The following DNAAF9 variants were observed in gnomAD, a reference collection of about 807,000 sequenced individuals.
DNAAF9 encodes the protein shulin.
Under a neutral mutation model 167.0 loss-of-function variants are expected in DNAAF9, and 90 were observed. That is an observed-to-expected ratio of 0.54 (90% confidence interval 0.45 to 0.64). The LOEUF (loss-of-function observed/expected upper bound fraction) is 0.64. Ranked by LOEUF, DNAAF9 falls within the 30% of genes least tolerant of loss-of-function variation. DNAAF9 has a pLI of 0.00. For synonymous variants in DNAAF9, 491 were observed against 508.8 expected, an observed-to-expected ratio of 0.96 and a Z score of 0.47; for missense variants, 1,315 against 1,442.2, an observed-to-expected ratio of 0.91 and a Z score of 1.43.
chr20:3,316,577 G>A, intron 18 of DNAAF9, 146 bp downstream of exon 18: 2 of 553,006 alleles, frequency 3.6e-6, no homozygotes, highest in South Asian at 2.6e-5. Flanking sequence ...AAAGAGAAAG[G>A]GCTGGGATCA....
intron 10 of DNAAF9, among the ~76,000 whole-genome samples, chr20:3,338,165 T>A (rs2070002934): frequency 6.6e-6 from 1 of 151,764 alleles, no homozygotes; most frequent in African/African-American, 2.4e-5. Context: ...AGTGATAAAT[T>A]CAATTTTTTT....
At chr20:3,276,828 G>A (rs2068682613) in intron 29 of DNAAF9, among the ~76,000 whole-genome samples, 1 of 152,184 alleles carries the variant, frequency 6.6e-6, no homozygotes, top group Non-Finnish European at 1.5e-5. Flanking sequence ...GCAAGTCCTA[G>A]GCACACCATC....
chr20:3,317,329 C>G (rs1719805117), intron 17 of DNAAF9, among the ~76,000 whole-genome samples: 1 of 145,730 alleles, frequency 6.9e-6, no homozygotes, highest in Non-Finnish European at 1.5e-5. Flanking sequence ...CCACCACACT[C>G]CAGCCTGGGT....
At chr20:3,405,930 G>C (rs2084048584) in intron 1 of DNAAF9, among the ~76,000 whole-genome samples, 1 of 152,180 alleles carries the variant, frequency 6.6e-6, no homozygotes, top group Non-Finnish European at 1.5e-5. Context: ...AGTGAAACTG[G>C]CAGAAATGTT....
intron 26 of DNAAF9, among the ~76,000 whole-genome samples, chr20:3,288,687 G>A (rs914951950): frequency 7.2e-6 from 1 of 139,060 alleles, no homozygotes. Flanking sequence ...GCCTTACCTT[G>A]GGGTAGACTG....
intron 21 of DNAAF9, among the ~76,000 whole-genome samples, chr20:3,303,788 C>A (rs1056362966): frequency 7.2e-5 from 11 of 152,240 alleles, no homozygotes; most frequent in Admixed American, 1.3e-4. Flanking sequence ...ACGAGCTGTG[C>A]CTTGGCCACA....
At chr20:3,362,082 A>C in intron 6 of DNAAF9, 1 of 1,407,330 alleles carries the variant, frequency 7.1e-7, no homozygotes, top group Non-Finnish European at 1.0e-6. Context: ...CAAATATTAC[A>C]AAGGGGGGTG....
At chr20:3,296,289 G>A (rs186720501) in intron 23 of DNAAF9, 247 of 388,796 alleles carry the variant, frequency 6.4e-4, no homozygotes, top group African/African-American at 4.3e-3. Flanking sequence ...CAGGTGAGAC[G>A]GGCCCGGCGC....
At chr20:3,362,084 A>AG (rs760774264) in intron 6 of DNAAF9, 96 of 1,406,156 alleles carry the variant, frequency 6.8e-5, no homozygotes, top group Non-Finnish European at 8.7e-5. Context: ...AATATTACAA[A>AG]GGGGGGTGCT....
intron 6 of DNAAF9, among the ~76,000 whole-genome samples, chr20:3,360,430 C>T (rs755089654): frequency 1.8e-4 from 28 of 152,156 alleles, no homozygotes; most frequent in Non-Finnish European, 3.2e-4. Flanking sequence ...AAACTGTTTA[C>T]ACATACATAT....
intron 6 of DNAAF9, among the ~76,000 whole-genome samples, chr20:3,360,831 A>G (rs2083352156): frequency 6.6e-6 from 1 of 152,252 alleles, no homozygotes; most frequent in Non-Finnish European, 1.5e-5. Flanking sequence ...AAGTAAAACA[A>G]TTCAGAAGGA....
At chr20:3,305,339 C>T (rs1009562889) in intron 20 of DNAAF9, among the ~76,000 whole-genome samples, 1 of 152,226 alleles carries the variant, frequency 6.6e-6, no homozygotes, top group Non-Finnish European at 1.5e-5. Flanking sequence ...AAGCTGCTCT[C>T]TGGGGCTGGT....
intron 10 of DNAAF9, among the ~76,000 whole-genome samples, chr20:3,340,064 C>A (rs1429056487): frequency 6.6e-6 from 1 of 152,170 alleles, no homozygotes; most frequent in African/African-American, 2.4e-5. Flanking sequence ...CAATCTGCCA[C>A]CAAATGCAAA....
Position 3,287,783 on chromosome 20 carries a change from C to T in DNAAF9, c.2335G>A (p.Val779Met). The change falls in exon 27 of 37, where the codon GTG becomes ATG. Residue 779 changes from valine to methionine, a missense_variant. Around this residue, in one of 2 missense-constraint regions of DNAAF9, gnomAD observed 981 missense variants for 1,012.5 expected, o/e 0.97. Coordinates refer to ENST00000252032, the MANE Select transcript of DNAAF9 (RefSeq NM_001009984.3). The part of the protein sequence containing the change: ...TLHKECGRWM[V>M]YRQIMDSSEC... ...GAGCTGTCCATGATTTGGCGATACA[C>T]CATCCATCTGGAAAGGTAAAAGGTA... The T allele has an allele frequency of 1.2e-6, 2 of 1,614,180 alleles. No homozygotes were observed. The highest frequency in any genetic ancestry group is 1.7e-6 in the Non-Finnish European group (2 of 1,179,998).
intron 20 of DNAAF9, among the ~76,000 whole-genome samples, chr20:3,305,500 G>A (rs1240503795): frequency 6.6e-6 from 1 of 152,228 alleles, no homozygotes; most frequent in African/African-American, 2.4e-5. Flanking sequence ...AGATAAATAA[G>A]TGAAATTGAT....
intron 20 of DNAAF9, among the ~76,000 whole-genome samples, chr20:3,312,169 G>A (rs1456194898): frequency 1.3e-5 from 2 of 152,026 alleles, no homozygotes; most frequent in Non-Finnish European, 2.9e-5. Context: ...TGTAGTGTTA[G>A]TAGAGACGGG....
rs147278423 is a variant in DNAAF9, at chr20:3,288,913, C to T, written c.2328-1123G>A. Reference sequence around the variant, plus strand: ...CATGACCCTGAATTTCCCTGCTGACCAGATGCACTCCCAGCCCTCTACATT... The same window carrying T: ...CATGACCCTGAATTTCCCTGCTGACTAGATGCACTCCCAGCCCTCTACATT... On this transcript the variant is annotated intron_variant, in intron 26 of 36. Coordinates refer to ENST00000252032, the MANE Select transcript of DNAAF9 (RefSeq NM_001009984.3). 2.8e-3 allele frequency among the ~76,000 whole-genome samples: 433 copies of T among 152,244 alleles called. 4 individuals carry two copies. Among genetic ancestry groups the T allele is most frequent in the East Asian group, 0.017 (90 of 5,172 alleles).
chr20:3,318,782 CT>C (rs2069554964), intron 16 of DNAAF9, among the ~76,000 whole-genome samples: 1 of 151,912 alleles, frequency 6.6e-6, no homozygotes, highest in Non-Finnish European at 1.5e-5. Flanking sequence ...CCCCACTCTA[CT>C]AAAGAAAAAA....
At chr20:3,406,262 T>C (rs2084053337) in intron 1 of DNAAF9, among the ~76,000 whole-genome samples, 1 of 152,142 alleles carries the variant, frequency 6.6e-6, no homozygotes, top group Non-Finnish European at 1.5e-5. Context: ...AAAAATCAGA[T>C]CAGCAAGCAA....
Sources: allele counts gnomAD v4.1 joint callset (sites outside exome capture counted in the v4.1 genomes callset), GRCh38; gene constraint gnomAD v4.1.1; regional missense constraint gnomAD v4.1.1; transcripts MANE v1.5; gene names NCBI Gene and HGNC (gene_info 2026-07-23, HGNC 2026-07-21).